TCF25: variants seen among roughly 807,000 people sequenced by gnomAD.
TCF25 encodes the protein TCF25 ribosome quality control complex subunit, also known as ribosome quality control complex subunit TCF25.
In TCF25, 41 loss-of-function variants were observed where a neutral mutation model predicts 83.1. The ratio of observed to expected loss-of-function variants is 0.49; its 90% CI spans 0.38 to 0.64. TCF25 has a LOEUF of 0.64. Ranked by LOEUF, TCF25 falls within the 30% of genes least tolerant of loss-of-function variation. TCF25 has a pLI of 0.00. For synonymous variants in TCF25, 458 were observed against 365.0 expected, an observed-to-expected ratio of 1.25 and a Z score of -2.90; for missense variants, 979 against 914.5, an observed-to-expected ratio of 1.07 and a Z score of -0.91.
Position 89,892,437 on chromosome 16 carries a change from G to A in TCF25, c.697+162G>A, listed in dbSNP as rs374820572. ...CTGGCCTGCGCTGGGCACCAGGGGCGTCAGTGCCTCTTGAGCCGAGACTCT... is the reference window on the plus strand; with the variant it reads ...CTGGCCTGCGCTGGGCACCAGGGGCATCAGTGCCTCTTGAGCCGAGACTCT... On this transcript the variant is annotated intron_variant, in intron 6 of 17. Coordinates refer to ENST00000263346, the MANE Select transcript of TCF25 (RefSeq NM_014972.3). 1.4e-3 allele frequency among the ~76,000 whole-genome samples: 215 copies of A among 152,206 alleles called. 1 individual carries two copies. The highest frequency in any genetic ancestry group is 2.5e-3 in the Non-Finnish European group (170 of 67,998).
At chr16:89,886,861 C>T (rs567292270) in intron 4 of TCF25, among the ~76,000 whole-genome samples, 8 of 151,534 alleles carry the variant, frequency 5.3e-5, no homozygotes, top group East Asian at 2.0e-4. Context: ...CGCTTGAACC[C>T]GGGAGGCAGA....
At chr16:89,874,278 G>T (rs1176412529) in intron 1 of TCF25, among the ~76,000 whole-genome samples, 1 of 151,678 alleles carries the variant, frequency 6.6e-6, no homozygotes, top group East Asian at 2.0e-4. Flanking sequence ...CCACGTGGCT[G>T]TCGTGGGGCC....
intron 1 of TCF25, among the ~76,000 whole-genome samples, chr16:89,882,002 C>T (rs1041157167): frequency 6.6e-6 from 1 of 152,140 alleles, no homozygotes. Context: ...ATCCACCCAC[C>T]TCGGCCTCCC....
chr16:89,904,282 G>A, intron 13 of TCF25, 77 bp downstream of exon 13: 5 of 1,466,526 alleles, frequency 3.4e-6, no homozygotes, highest in African/African-American at 1.4e-5. Context: ...CTCATCCTGA[G>A]AGGCCCTGAG....
rs1199639263 is a variant in TCF25, at chr16:89,905,094, C to T, written c.1626C>T (p.Asn542=). The change falls in exon 14 of 18, where the codon AAC becomes AAT. Residue 542 remains asparagine (N), a splice_region_variant and synonymous_variant. Coordinates refer to ENST00000263346, the MANE Select transcript of TCF25 (RefSeq NM_014972.3). ...ACCCAGCCGTGGAAGCCTGTGAGAA[C>T]CGGTGAGCTAGGGGTTGACACAAGC... ...AGDPAVEACE[N]RRKVLYQRAP... is the part of the protein sequence containing the mutation. 1.3e-6 allele frequency: 2 copies of T among 1,592,202 alleles called. No individual in the cohort carries two copies. Among genetic ancestry groups the T allele is most frequent in the Non-Finnish European group, 8.6e-7 (1 of 1,169,570 alleles).
At chr16:89,895,547 C>T (rs2043783071) in intron 8 of TCF25, among the ~76,000 whole-genome samples, 1 of 152,244 alleles carries the variant, frequency 6.6e-6, no homozygotes, top group Admixed American at 6.5e-5. Flanking sequence ...GGTTCATCCT[C>T]ACTGTAGCGT....
chr16:89,876,413 T>C (rs544571335), intron 1 of TCF25, among the ~76,000 whole-genome samples: 3 of 152,310 alleles, frequency 2.0e-5, no homozygotes, highest in Admixed American at 6.5e-5. Context: ...GTGAGAGACA[T>C]GGTGTTTCTC....
chr16:89,874,647 G>C (rs887462151), intron 1 of TCF25: 1 of 152,286 alleles, frequency 6.6e-6, no homozygotes, highest in Admixed American at 6.5e-5. Context: ...TGCTCATGCG[G>C]TCCTGTGACG....
At chr16:89,894,989 G>C (rs2043739045) in intron 7 of TCF25, 49 bp from the exon 8 acceptor site, 2 of 1,547,420 alleles carry the variant, frequency 1.3e-6, no homozygotes, top group East Asian at 4.5e-5. Flanking sequence ...CCTGGGAGCT[G>C]GGGCCTTGCT....
chr16:89,911,200 C>CACGAGG lies in TCF25; in HGVS notation c.1998_2003dup (p.Glu666_Asp667dup). 2 of 1,612,466 alleles carry CACGAGG rather than the reference C, an allele frequency of 1.2e-6. No individual in the cohort carries two copies. Among genetic ancestry groups the CACGAGG allele is most frequent in the Non-Finnish European group, 1.7e-6 (2 of 1,179,964 alleles). On this transcript the variant is annotated inframe_insertion, in exon 18 of 18. Coordinates refer to ENST00000263346, the MANE Select transcript of TCF25 (RefSeq NM_014972.3). Reference sequence around the variant, plus strand: ...CCACCTCAACGACCTGGAGGCGCCGCACGAGGACGACGCTGAGGGGGAGGG... The same window carrying CACGAGG: ...CCACCTCAACGACCTGGAGGCGCCGCACGAGGACGAGGACGACGCTGAGGGGGAGGG...
intron 1 of TCF25, among the ~76,000 whole-genome samples, chr16:89,875,295 G>C (rs1179793769): frequency 6.6e-6 from 1 of 152,092 alleles, no homozygotes; most frequent in East Asian, 1.9e-4. Context: ...ATTTCTCTTT[G>C]TGACAACCTG....
chr16:89,898,695 G>C lies in TCF25; in HGVS notation c.1115+46G>C, dbSNP rs2044081879. On this transcript the variant is annotated intron_variant, in intron 10 of 17. Coordinates refer to ENST00000263346, the MANE Select transcript of TCF25 (RefSeq NM_014972.3). ...AAGCCCGTCCACGCTCCCTGTCCTGGCTGCAGGCCCACTCTCAGCCTGACG... is the reference window on the plus strand; with the variant it reads ...AAGCCCGTCCACGCTCCCTGTCCTGCCTGCAGGCCCACTCTCAGCCTGACG... 9 of 1,611,828 alleles carry C rather than the reference G, an allele frequency of 5.6e-6. No individual in the cohort carries two copies. The South Asian group carries it at 8.8e-5, about 16-fold the overall frequency.
chr16:89,887,059 A>T (rs1326610029), intron 4 of TCF25, among the ~76,000 whole-genome samples: 1 of 151,988 alleles, frequency 6.6e-6, no homozygotes, highest in Admixed American at 6.6e-5. Context: ...TTTAAGAGAC[A>T]GGATCTCTCT....
At position 89,873,839 on chromosome 16, in the gene TCF25, G is replaced by A; in HGVS notation, c.172G>A (p.Val58Ile). The change falls in exon 1 of 18, where the codon GTC becomes ATC. Residue 58 changes from valine to isoleucine, a missense_variant. By Grantham distance (29) the Val-to-Ile change is conservative (BLOSUM62 3). Coordinates refer to ENST00000263346, the MANE Select transcript of TCF25 (RefSeq NM_014972.3). ...PGGAGKEGVR[V>I]NNRFELINID... ...GGGCGCAGGGAAGGAGGGCGTCCGA[G>A]TCAACAACCGCTTCGAGCTGGTGAG... 6.4e-7 allele frequency: 1 copy of A among 1,565,114 alleles called. No homozygotes were observed. The highest frequency in any genetic ancestry group is 1.2e-5 in the South Asian group (1 of 85,944).
chr16:89,883,664 C>A, intron 2 of TCF25, 152 bp downstream of exon 2: 1 of 870,684 alleles, frequency 1.1e-6, no homozygotes, highest in South Asian at 1.8e-5. Context: ...TACTTGGGAA[C>A]CTTGATGAGA....
intron 11 of TCF25, among the ~76,000 whole-genome samples, 159 bp downstream of exon 11, chr16:89,899,031 C>T (rs998811919): frequency 4.6e-5 from 7 of 152,320 alleles, no homozygotes; most frequent in African/African-American, 7.2e-5. Flanking sequence ...TCTCCCTTGC[C>T]GCCTCTACGG....
Position 89,883,450 on chromosome 16 carries a change from C to A in TCF25, c.292C>A (p.Gln98Lys). Reference sequence around the variant, plus strand: ...GGCACCAGGGAACAAAGGAAGGGGTCAGCGTGGAAACACAGAGAGCAAGAC... The same window carrying A: ...GGCACCAGGGAACAAAGGAAGGGGTAAGCGTGGAAACACAGAGAGCAAGAC... ...AVAPGNKGRG[Q>K]RGNTESKTDG... is the part of the protein sequence containing the mutation. The change falls in exon 2 of 18, where the codon CAG becomes AAG. Residue 98 changes from glutamine to lysine, a missense_variant. Gln to Lys is a moderately conservative substitution (Grantham distance 53, BLOSUM62 1). Coordinates refer to ENST00000263346, the MANE Select transcript of TCF25 (RefSeq NM_014972.3). 6.2e-7 allele frequency: 1 copy of A among 1,613,900 alleles called. No individual in the cohort carries two copies. Among genetic ancestry groups the A allele is most frequent in the Non-Finnish European group, 8.5e-7 (1 of 1,179,998 alleles).
intron 4 of TCF25, among the ~76,000 whole-genome samples, chr16:89,886,288 G>T (rs1455882823): frequency 1.3e-5 from 2 of 151,966 alleles, no homozygotes; most frequent in South Asian, 2.1e-4. Context: ...TTAGCTGGGC[G>T]TGGTAGCGGG....
intron 5 of TCF25, among the ~76,000 whole-genome samples, chr16:89,889,022 T>G (rs1392597078): frequency 4.0e-5 from 6 of 151,626 alleles, no homozygotes; most frequent in Admixed American, 3.9e-4. Context: ...CAGTAGTTCT[T>G]AGCAGTTGGG....
Sources: gnomAD v4.1 joint callset for allele counts (sites outside exome capture counted in the v4.1 genomes callset) on GRCh38, gnomAD v4.1.1 for gene constraint, MANE v1.5 for transcripts, NCBI Gene and HGNC (gene_info 2026-07-23, HGNC 2026-07-21) for gene names.